C10orf67: variants seen among roughly 807,000 people sequenced by gnomAD.
C10orf67 encodes the protein uncharacterized protein C10orf67, mitochondrial.
C10orf67 carries 60 observed loss-of-function variants against 35.6 expected under a neutral mutation model. The observed-to-expected ratio is 1.68, with a 90% confidence interval of 1.37 to 2.09. The LOEUF is 2.09. Among genes scored for constraint, C10orf67 ranks in the 30% most tolerant of loss-of-function variants. C10orf67 has a pLI of 0.00. For synonymous variants in C10orf67, 167 were observed against 115.8 expected, an observed-to-expected ratio of 1.44 and a Z score of -2.84; for missense variants, 474 against 330.2, an observed-to-expected ratio of 1.44 and a Z score of -3.38.
chr10:23,332,861 C>G (rs1003390695), intron 2 of C10orf67, among the ~76,000 whole-genome samples: 1 of 152,088 alleles, frequency 6.6e-6, no homozygotes, highest in Non-Finnish European at 1.5e-5. Context: ...CTTTATTAAA[C>G]AAATTAACAT....
At chr10:23,218,299 C>T (rs1029507465) in intron 15 of C10orf67, among the ~76,000 whole-genome samples, 4 of 147,610 alleles carry the variant, frequency 2.7e-5, no homozygotes, top group South Asian at 2.2e-4. Context: ...CATCACTACA[C>T]GAGGCTAATT....
intron 13 of C10orf67, among the ~76,000 whole-genome samples, chr10:23,232,934 A>C (rs1422858710): frequency 6.6e-6 from 1 of 152,140 alleles, no homozygotes; most frequent in Non-Finnish European, 1.5e-5. Context: ...AGGCGGGAGG[A>C]TCACTTGAGG....
chr10:23,344,637 C>G lies in C10orf67; in HGVS notation c.138G>C (p.Arg46=), dbSNP rs2036917. 6.3e-7 allele frequency: 1 copy of G among 1,580,748 alleles called. No homozygotes were observed. The highest frequency in any genetic ancestry group is 8.6e-7 in the Non-Finnish European group (1 of 1,163,884). ...CTCGCTTCCTACGCGCGCAGCAGAC[C>G]CGCAGCTCGGTGGCCTTGGCTTTCA... ...EAMKAKATEL[R]VCCARRKREA... Residue 46 remains arginine (R), a synonymous_variant, in exon 1 of 16, where the codon CGG becomes CGC. Transcript: ENST00000636213.
At chr10:23,207,123 G>A (rs543894445) in intron 15 of C10orf67, among the ~76,000 whole-genome samples, 13 of 149,376 alleles carry the variant, frequency 8.7e-5, no homozygotes, top group African/African-American at 2.7e-4. Flanking sequence ...GAGCTTGTTT[G>A]GTGAATAACA....
At chr10:23,283,868 C>T (rs1218217056) in intron 7 of C10orf67, among the ~76,000 whole-genome samples, 3 of 152,060 alleles carry the variant, frequency 2.0e-5, no homozygotes, top group African/African-American at 7.2e-5. Flanking sequence ...CTGACGCTAT[C>T]ACACCTGTAC....
intron 4 of C10orf67, chr10:23,318,241 TA>T (rs1285286190): frequency 6.7e-6 from 1 of 148,230 alleles, no homozygotes; most frequent in Non-Finnish European, 1.5e-5. Flanking sequence ...TGACCTCACA[TA>T]AAAAGAGTCT....
chr10:23,245,931 G>A (rs1016654585), intron 12 of C10orf67, among the ~76,000 whole-genome samples: 10 of 152,130 alleles, frequency 6.6e-5, no homozygotes, highest in African/African-American at 2.4e-4. Flanking sequence ...GTTCACAATA[G>A]CAAAGACATG....
chr10:23,325,172 A>G (rs925913060), intron 2 of C10orf67, among the ~76,000 whole-genome samples: 1 of 152,162 alleles, frequency 6.6e-6, no homozygotes, highest in African/African-American at 2.4e-5. Flanking sequence ...CCTCATCTCT[A>G]CAAAAAATTT....
chr10:23,329,812 A>AAAAAAAAAAG (rs905791499), intron 2 of C10orf67, among the ~76,000 whole-genome samples: 4 of 148,604 alleles, frequency 2.7e-5, no homozygotes, highest in African/African-American at 7.5e-5. Context: ...AAAAAAAAAA[A>AAAAAAAAAAG]AAAAGAAAAG....
intron 5 of C10orf67, among the ~76,000 whole-genome samples, chr10:23,298,266 CA>C (rs1477045218): frequency 1.3e-5 from 2 of 151,988 alleles, no homozygotes; most frequent in African/African-American, 2.4e-5. Flanking sequence ...AAAAAACAAA[CA>C]AACAAAAAAA....
At chr10:23,211,663 A>G (rs950034098) in intron 15 of C10orf67, among the ~76,000 whole-genome samples, 1 of 152,230 alleles carries the variant, frequency 6.6e-6, no homozygotes, top group Admixed American at 6.5e-5. Flanking sequence ...TGGGATAACA[A>G]TAACTGCAGT....
At position 23,219,913 on chromosome 10, in the gene C10orf67, T is replaced by C. The variant is rs1019777197; in HGVS notation, c.1570+3685A>G. Among the ~76,000 whole-genome samples the C allele has an allele frequency of 4.6e-5, 7 of 152,316 alleles. No individual in the cohort carries two copies. The South Asian group carries it at 1.4e-3, about 32-fold the overall frequency. On this transcript the variant is annotated intron_variant, in intron 15 of 15. Transcript: ENST00000636213. Reference sequence around the variant, plus strand: ...TGGACACAGTGGTTCATGTCTGTAATCGCTAGCACTTTGAAAGAGTATGTA... The same window carrying C: ...TGGACACAGTGGTTCATGTCTGTAACCGCTAGCACTTTGAAAGAGTATGTA...
chr10:23,317,744 C>A (rs1428781034), intron 4 of C10orf67: 1 of 152,032 alleles, frequency 6.6e-6, no homozygotes, highest in Non-Finnish European at 1.5e-5. Flanking sequence ...AAAACTGCTA[C>A]AGATAATGCT....
chr10:23,243,858 C>G (rs935613130), intron 12 of C10orf67, among the ~76,000 whole-genome samples: 2 of 152,064 alleles, frequency 1.3e-5, no homozygotes, highest in Non-Finnish European at 2.9e-5. Flanking sequence ...CTATAACTAG[C>G]TAATCTTCAA....
chr10:23,286,172 A>C (rs1410178377), intron 7 of C10orf67, among the ~76,000 whole-genome samples: 1 of 151,492 alleles, frequency 6.6e-6, no homozygotes, highest in African/African-American at 2.4e-5. Context: ...TGGGAGCATC[A>C]CTTGAGGCCA....
chr10:23,344,334 G>A lies in C10orf67; in HGVS notation c.206+235C>T, dbSNP rs568020065. 114 of 572,442 alleles carry A rather than the reference G, an allele frequency of 2.0e-4. No individual in the cohort carries two copies. In the East Asian group the frequency reaches 3.3e-3, roughly 17 times the overall value. The allele number at this position is 572,442 out of a possible 1,614,324, so 35.5% of individuals were successfully genotyped here. A position where few individuals can be genotyped will look rare whatever the true frequency, so the allele number is the denominator to read the frequency against. On this transcript the variant is annotated intron_variant, in intron 1 of 15. Transcript: ENST00000636213. ...AAAGGAGGATGGGGAGGGAGCACGC[G>A]CGGGAGGAGGGGAGTGGAGAGGGGG...
chr10:23,291,084 A>G (rs1466414945), intron 6 of C10orf67, 48 bp downstream of exon 6: 1 of 672,852 alleles, frequency 1.5e-6, no homozygotes, highest in Admixed American at 2.4e-5. Flanking sequence ...GAGCTTTACA[A>G]AGTGACCAAT....
rs571123618 is a variant in C10orf67 at position 23,213,745 on chromosome 10, G to A, written c.1571-9490C>T. On this transcript the variant is annotated intron_variant, in intron 15 of 15. Coordinates refer to ENST00000636213, the MANE Select transcript of C10orf67 (RefSeq NM_001371909.1). Reference sequence around the variant, plus strand: ...GCTTTCAAATCAGCATGGGGGAAACGATAAAATACAGAAAATGTTATCAAC... The same window carrying A: ...GCTTTCAAATCAGCATGGGGGAAACAATAAAATACAGAAAATGTTATCAAC... 4.0e-5 allele frequency among the ~76,000 whole-genome samples: 6 copies of A among 151,878 alleles called. No individual in the cohort carries two copies. In the South Asian group the frequency reaches 6.2e-4, roughly 16 times the overall value.
rs369685544 is a variant in C10orf67 at position 23,339,282 on chromosome 10, C to A, written c.206+5287G>T. 1.4e-3 allele frequency among the ~76,000 whole-genome samples: 207 copies of A among 151,068 alleles called. 2 individuals carry two copies. The highest frequency in any genetic ancestry group is 3.8e-3 in the African/African-American group (157 of 41,108). ...TGGATTGATTCTGAATACCAAGGGG[C>A]AATTGGGTTGCTGGTGAACAACGGA... is the stretch of plus-strand genomic sequence containing the variant. On this transcript the variant is annotated intron_variant, in intron 1 of 15. Coordinates refer to ENST00000636213, the MANE Select transcript of C10orf67 (RefSeq NM_001371909.1).
Sources: gnomAD v4.1 joint callset for allele counts (sites outside exome capture counted in the v4.1 genomes callset) on GRCh38, gnomAD v4.1.1 for gene constraint, MANE v1.5 for transcripts, NCBI Gene and HGNC (gene_info 2026-07-23, HGNC 2026-07-21) for gene names.